TTBK2: variants seen among roughly 807,000 people sequenced by gnomAD.
TTBK2 encodes tau-tubulin kinase 2.
TTBK2 carries 28 observed loss-of-function variants against 110.8 expected under a neutral mutation model. That is an observed-to-expected ratio of 0.25 (90% CI 0.19 to 0.35). TTBK2 has a LOEUF of 0.35. Ranked by LOEUF, TTBK2 falls within the 10% of genes least tolerant of loss-of-function variation. TTBK2 has a pLI of 1.00. For missense variants in TTBK2, 1,369 were observed against 1,500.3 expected, an observed-to-expected ratio of 0.91 and a Z score of 1.45; for synonymous variants, 532 against 527.3, an observed-to-expected ratio of 1.01 and a Z score of -0.12.
At chr15:42,762,790 A>C (rs1244681279) in intron 13 of TTBK2, among the ~76,000 whole-genome samples, 1 of 152,054 alleles carries the variant, frequency 6.6e-6, no homozygotes, top group African/African-American at 2.4e-5. Context: ...CAGCCATAAA[A>C]AATAAAATCC....
chr15:42,794,980 G>C, intron 9 of TTBK2, 179 bp from the exon 10 acceptor site: 1 of 729,714 alleles, frequency 1.4e-6, no homozygotes, highest in Non-Finnish European at 2.3e-6. Context: ...GTGAATTAAT[G>C]TTGATTTTTC....
At chr15:42,891,612 C>A (rs1364567566) in intron 1 of TTBK2, among the ~76,000 whole-genome samples, 4 of 152,044 alleles carry the variant, frequency 2.6e-5, no homozygotes, top group Non-Finnish European at 5.9e-5. Flanking sequence ...GGGTGGTGTA[C>A]CCTGGCTCCA....
At chr15:42,891,173 T>A (rs1338377229) in intron 1 of TTBK2, among the ~76,000 whole-genome samples, 2 of 116,934 alleles carry the variant, frequency 1.7e-5, no homozygotes, top group Admixed American at 1.7e-4. Context: ...CATGCCCGAC[T>A]TTTTTTTTTT....
intron 5 of TTBK2, among the ~76,000 whole-genome samples, chr15:42,828,289 G>C (rs1426892123): frequency 6.6e-6 from 1 of 151,484 alleles, no homozygotes; most frequent in Admixed American, 6.6e-5. Context: ...ACATTAACTA[G>C]ACTTGGAACT....
At chr15:42,867,063 T>C (rs1894401547) in intron 3 of TTBK2, among the ~76,000 whole-genome samples, 1 of 151,398 alleles carries the variant, frequency 6.6e-6, no homozygotes, top group African/African-American at 2.4e-5. Context: ...GCTAACACGG[T>C]GAAACCCCGT....
At chr15:42,859,186 C>A (rs556538702) in intron 3 of TTBK2, among the ~76,000 whole-genome samples, 29 of 152,222 alleles carry the variant, frequency 1.9e-4, no homozygotes, top group African/African-American at 7.0e-4. Flanking sequence ...CTCACTGCAG[C>A]CTTGACCTTC....
chr15:42,884,536 T>A (rs1003512981), intron 1 of TTBK2, among the ~76,000 whole-genome samples: 4 of 152,172 alleles, frequency 2.6e-5, no homozygotes, highest in African/African-American at 9.7e-5. Context: ...TGGGATTTTG[T>A]TAATGAGGTG....
intron 1 of TTBK2, among the ~76,000 whole-genome samples, chr15:42,893,961 GT>G (rs1392999254): frequency 6.6e-6 from 1 of 152,134 alleles, no homozygotes; most frequent in African/African-American, 2.4e-5. Context: ...GCATGATATG[GT>G]TTGGCTGTGT....
intron 1 of TTBK2, among the ~76,000 whole-genome samples, chr15:42,909,686 T>C (rs1200732548): frequency 1.3e-5 from 2 of 151,972 alleles, no homozygotes; most frequent in Non-Finnish European, 2.9e-5. Flanking sequence ...TCTCACAAAC[T>C]ACACTGAAAA....
intron 14 of TTBK2, 22 bp downstream of exon 14, chr15:42,751,952 C>A: frequency 6.2e-7 from 1 of 1,613,948 alleles, no homozygotes; most frequent in Non-Finnish European, 8.5e-7. Flanking sequence ...ACACTTAACA[C>A]AGGGAGAGCA....
intron 3 of TTBK2, 110 bp from the exon 4 acceptor site, chr15:42,840,543 G>C: frequency 1.0e-6 from 1 of 993,570 alleles, no homozygotes; most frequent in Non-Finnish European, 1.6e-6. Context: ...AATACATCTT[G>C]AGAACCTTAA....
At chr15:42,857,693 A>G (rs1893997370) in intron 3 of TTBK2, among the ~76,000 whole-genome samples, 1 of 152,144 alleles carries the variant, frequency 6.6e-6, no homozygotes, top group South Asian at 2.1e-4. Context: ...AATGCTTAAC[A>G]CAGCTACTTC....
chr15:42,873,697 A>G (rs185550351), intron 2 of TTBK2, among the ~76,000 whole-genome samples: 1 of 152,330 alleles, frequency 6.6e-6, no homozygotes, highest in East Asian at 1.9e-4. Context: ...TGAGTATCAT[A>G]AGCAAGTTCT....
At position 42,800,825 on chromosome 15, in the gene TTBK2, G is replaced by C. The variant is rs981494638; in HGVS notation, c.823-6024C>G. On this transcript the variant is annotated intron_variant, in intron 9 of 14. Transcript: ENST00000267890. Reference sequence around the variant, plus strand: ...AGGCATGGGCAAGGGGGGGTCCCCAGGTAGTAAACTCCCTCGCGGATGGGC... The same window carrying C: ...AGGCATGGGCAAGGGGGGGTCCCCACGTAGTAAACTCCCTCGCGGATGGGC... The C allele has an allele frequency of 7.1e-6, 4 of 562,112 alleles. No individual in the cohort carries two copies. In the African/African-American group the frequency reaches 7.6e-5, roughly 11 times the overall value. 34.8% of individuals were successfully genotyped at this position (562,112 alleles called of 1,614,324 possible).
intron 13 of TTBK2, among the ~76,000 whole-genome samples, chr15:42,761,581 G>C (rs1249694019): frequency 7.6e-6 from 1 of 132,094 alleles, no homozygotes; most frequent in African/African-American, 2.7e-5. Flanking sequence ...CATCTCAACA[G>C]CCAAAAAAAA....
intron 3 of TTBK2, among the ~76,000 whole-genome samples, chr15:42,847,087 G>A (rs1458438587): frequency 3.3e-5 from 5 of 152,090 alleles, no homozygotes; most frequent in African/African-American, 1.2e-4. Flanking sequence ...ACCCAAGGAG[G>A]GGGGAATCAA....
intron 13 of TTBK2, among the ~76,000 whole-genome samples, chr15:42,758,384 G>A (rs777890288): frequency 6.6e-6 from 1 of 152,082 alleles, no homozygotes; most frequent in Non-Finnish European, 1.5e-5. Context: ...GGCTGGGCGC[G>A]GTGGCTCACG....
At chr15:42,797,589 C>A (rs989337399) in intron 9 of TTBK2, among the ~76,000 whole-genome samples, 4 of 152,176 alleles carry the variant, frequency 2.6e-5, no homozygotes, top group Admixed American at 1.3e-4. Flanking sequence ...AGCAGGGTGG[C>A]GCTAAATCCT....
At chr15:42,772,738 G>A (rs946958711) in intron 13 of TTBK2, among the ~76,000 whole-genome samples, 1 of 152,104 alleles carries the variant, frequency 6.6e-6, no homozygotes, top group African/African-American at 2.4e-5. Flanking sequence ...CTGGACCCCA[G>A]CAGTTTGAGC....
Sources: gnomAD v4.1 joint callset for allele counts (sites outside exome capture counted in the v4.1 genomes callset) on GRCh38, gnomAD v4.1.1 for gene constraint, MANE v1.5 for transcripts, NCBI Gene and HGNC (gene_info 2026-07-23, HGNC 2026-07-21) for gene names.